IGSF9B: variants seen among roughly 807,000 people sequenced by gnomAD.
IGSF9B encodes protein turtle homolog B.
A neutral mutation model predicts 143.7 loss-of-function variants in IGSF9B; 48 were observed. The observed-to-expected ratio is 0.33, with a 90% CI of 0.26 to 0.42. The LOEUF (loss-of-function observed/expected upper bound fraction) is 0.42. Among genes scored for constraint, IGSF9B ranks in the 20% least tolerant of loss-of-function variants. The probability of loss-of-function intolerance (pLI) is 1.00; values close to 1 mark genes in which losing one functional copy is unlikely to be tolerated. For synonymous variants in IGSF9B, 903 were observed against 833.1 expected (o/e 1.08, Z -1.44); for missense variants, 1,706 against 1,980.0 (o/e 0.86, Z 2.63).
In IGSF9B at chr11:133,926,964, T is replaced by C. The variant is rs1939638756; in HGVS notation, c.1759A>G (p.Lys587Glu). The change falls in exon 13 of 20, where the codon AAG (lysine) becomes GAG (glutamate). Residue 587 changes from lysine (K) to glutamate (E), a missense_variant. By Grantham distance (56) the Lys-to-Glu change is moderately conservative. Around this residue, in one of 7 missense-constraint regions of IGSF9B, gnomAD observed 267 missense variants for 321.1 expected, o/e 0.83. Transcript: ENST00000533871. ...TCACTGAAGGCGCTGGTTCCCAGCTTGTTCTGGGCCAGGACGCTGAACTGG... is the reference window on the plus strand; with the variant it reads ...TCACTGAAGGCGCTGGTTCCCAGCTCGTTCTGGGCCAGGACGCTGAACTGG... ...AYQFSVLAQN[K>E]LGTSAFSEVV... 1.3e-6 allele frequency: 2 copies of C among 1,597,412 alleles called. No individual in the cohort carries two copies. Among genetic ancestry groups the C allele is most frequent in the Non-Finnish European group, 1.7e-6 (2 of 1,172,404 alleles).
Position 133,903,449 on chromosome 11 carries a change from C to T in IGSF9B, c.*5620G>A, listed in dbSNP as rs529624635. ...TAACTACTACTACTGTCTTCTACAC[C>T]GCAGAAGACAACACCCATGTGATTT... On this transcript the variant is annotated 3_prime_UTR_variant, in exon 20 of 20. Transcript: ENST00000533871. Among the ~76,000 whole-genome samples the T allele has an allele frequency of 6.6e-6, 1 of 152,304 alleles. No homozygotes were observed. The highest frequency in any genetic ancestry group is 1.9e-4 in the East Asian group (1 of 5,188).
Position 133,937,400 on chromosome 11 carries a change from G to A in IGSF9B, c.655C>T (p.His219Tyr). 1 of 1,612,664 alleles carries A rather than the reference G, an allele frequency of 6.2e-7. No homozygotes were observed. Among genetic ancestry groups the A allele is most frequent in the Non-Finnish European group, 8.5e-7 (1 of 1,178,890 alleles). Residue 219 changes from histidine to tyrosine, a missense_variant, in exon 5 of 20, where the codon CAC becomes TAC. Physicochemically the swap from His to Tyr is moderately conservative, Grantham distance 83. This residue lies in a region of IGSF9B where 238 missense variants were observed against 452.6 expected (regional missense o/e 0.53). Transcript: ENST00000533871. ...CCTTGGACAAGCAGGTGAGTCGTGT[G>A]GACAGCCTCCCCCTGAATGCTGTAC... is the stretch of plus-strand genomic sequence containing the variant. ...RAYSIQGEAVHTTHLLVQGPP... is the reference protein window; with the variant it reads ...RAYSIQGEAVYTTHLLVQGPP...
chr11:133,950,824 A>G (rs974613871), intron 1 of IGSF9B, among the ~76,000 whole-genome samples: 1 of 152,010 alleles, frequency 6.6e-6, no homozygotes, highest in Non-Finnish European at 1.5e-5. Flanking sequence ...GAACGGAGTG[A>G]GCACCAGCAT....
At chr11:133,947,310 T>C (rs1483113196) in intron 1 of IGSF9B, among the ~76,000 whole-genome samples, 1 of 152,164 alleles carries the variant, frequency 6.6e-6, no homozygotes, top group Non-Finnish European at 1.5e-5. Context: ...CCTTGTCCAG[T>C]AACGTCCCAG....
intron 18 of IGSF9B, chr11:133,918,948 G>A: frequency 4.3e-6 from 2 of 466,408 alleles, no homozygotes; most frequent in South Asian, 3.1e-5. Context: ...GGAGGGGCAG[G>A]GGGAGGAGGA....
chr11:133,922,091 T>C (rs956607412), intron 17 of IGSF9B, 86 bp downstream of exon 17: 1 of 1,126,088 alleles, frequency 8.9e-7, no homozygotes, highest in African/African-American at 1.5e-5. Context: ...TTAGAAACAC[T>C]AACATGGGGC....
intron 3 of IGSF9B, among the ~76,000 whole-genome samples, chr11:133,938,406 G>A (rs539784721): frequency 4.8e-4 from 73 of 152,248 alleles, no homozygotes; most frequent in African/African-American, 1.7e-3. Context: ...CACAGATGCA[G>A]GCCAAGGCTA....
In IGSF9B at chr11:133,956,936, C is replaced by G. The variant is rs1940269676; in HGVS notation, c.-182G>C. 2 of 383,534 alleles carry G rather than the reference C, an allele frequency of 5.2e-6. No homozygotes were observed. The highest frequency in any genetic ancestry group is 4.6e-5 in the Admixed American group (1 of 21,770). The allele number at this position is 383,534 out of a possible 1,614,324, so 23.8% of individuals were successfully genotyped here. ...TAGGCTCCGCTCGGCTCGGCGCGCG[C>G]CTCCCCGGCCCCGGCGCAGCGGCAC... On this transcript the variant is annotated 5_prime_UTR_variant, in exon 1 of 20. Coordinates refer to ENST00000533871, the MANE Select transcript of IGSF9B (RefSeq NM_001277285.4).
In IGSF9B at chr11:133,918,837, G is replaced by A. The variant is rs992570967; in HGVS notation, c.3983+905C>T. Among the ~76,000 whole-genome samples the A allele has an allele frequency of 2.0e-5, 3 of 151,772 alleles. No individual in the cohort carries two copies. The East Asian group carries it at 5.9e-4, about 30-fold the overall frequency. ...GAGAGAGAGAAGAGGGCGGGGGACG[G>A]GGTATCCGGGGGCACTACAGAGGCG... On this transcript the variant is annotated intron_variant, in intron 18 of 19. Coordinates refer to ENST00000533871, the MANE Select transcript of IGSF9B (RefSeq NM_001277285.4).
At position 133,945,261 on chromosome 11, in the gene IGSF9B, A is replaced by G. The variant is rs1940025214; in HGVS notation, c.262+800T>C. Among the ~76,000 whole-genome samples the G allele has an allele frequency of 6.6e-6, 1 of 152,174 alleles. No homozygotes were observed. The highest frequency in any genetic ancestry group is 2.1e-4 in the South Asian group (1 of 4,818). ...TCGTCCTGATGCTGGCAATCTGCCT[A>G]AAAACTAGACTCTCAAAGCCAACCC... On this transcript the variant is annotated intron_variant, in intron 2 of 19. Coordinates refer to ENST00000533871, the MANE Select transcript of IGSF9B (RefSeq NM_001277285.4). The surrounding 1 kb of genome is among the most constrained non-coding windows in gnomAD (Gnocchi z 4.6).
rs1488728189 is a variant in IGSF9B at position 133,911,965 on chromosome 11, C to A, written c.4026G>T (p.Arg1342Ser). The A allele has an allele frequency of 2.0e-6, 3 of 1,534,718 alleles. No homozygotes were observed. Among genetic ancestry groups the A allele is most frequent in the Admixed American group, 2.0e-5 (1 of 50,634 alleles). ...TCCGTTGGTATTTCAGAGCCTCCAG[C>A]CTCTCAGGCGCAGCAGCGTTCCCGG... ...PAPGNAAAPE[R>S]LEALKYQRIK... Residue 1342 changes from arginine to serine, a missense_variant, in exon 19 of 20, where the codon AGG becomes AGT. Coordinates refer to ENST00000533871, the MANE Select transcript of IGSF9B (RefSeq NM_001277285.4).
At chr11:133,929,930 G>A (rs974808675) in intron 11 of IGSF9B, 148 bp from the exon 12 acceptor site, 4 of 611,268 alleles carry the variant, frequency 6.5e-6, no homozygotes, top group Non-Finnish European at 1.2e-5. Context: ...CGACGGGGAT[G>A]CTCTCAGGCG....
chr11:133,924,705 G>A (rs3737491), intron 15 of IGSF9B, 115 bp downstream of exon 15: 23 of 843,206 alleles, frequency 2.7e-5, no homozygotes, highest in South Asian at 1.2e-4. Context: ...ACCAGGCACT[G>A]CCTTAGTTTC....
chr11:133,919,078 G>A (rs780247015), intron 18 of IGSF9B: 15 of 489,748 alleles, frequency 3.1e-5, no homozygotes, highest in East Asian at 6.5e-5. Context: ...GGCTGGTCGC[G>A]GGAGCTGGTC....
At chr11:133,952,772 T>TATGCGCACACACATGTGCACATGTATGC (rs1940187438) in intron 1 of IGSF9B, among the ~76,000 whole-genome samples, 1 of 149,248 alleles carries the variant, frequency 6.7e-6, no homozygotes, top group Admixed American at 6.6e-5. Flanking sequence ...AACATGTGTG[T>TATGCGCACACACATGTGCACATGTATGC]ATGCGCACAC....
Position 133,944,317 on chromosome 11 carries a change from G to A in IGSF9B, c.312C>T (p.Arg104=). 2 of 1,613,970 alleles carry A rather than the reference G, an allele frequency of 1.2e-6. No individual in the cohort carries two copies. The highest frequency in any genetic ancestry group is 1.1e-5 in the South Asian group (1 of 91,074). The change falls in exon 3 of 20, where the codon CGC becomes CGT. Residue 104 remains arginine, a synonymous_variant. Transcript: ENST00000533871. The stretch of plus-strand genomic sequence containing the variant: ...ACTCATACCAGCCCTGGTCCTCAGA[G>A]CGAACTTGTTCCAGCCGCAGAGATG... ...DKASLRLEQV[R]SEDQGWYECK...
At chr11:133,930,711 C>A (rs1185470840) in intron 11 of IGSF9B, among the ~76,000 whole-genome samples, 1 of 152,212 alleles carries the variant, frequency 6.6e-6, no homozygotes, top group South Asian at 2.1e-4. Flanking sequence ...GCCAGCCACA[C>A]AGCCGCCTCT....
chr11:133,912,483 G>A (rs1939316286), intron 18 of IGSF9B: 3 of 397,870 alleles, frequency 7.5e-6, no homozygotes, highest in African/African-American at 2.1e-5. Context: ...GGTGCTAAGT[G>A]AGAAACCCGA....
rs1416147673 is a variant in IGSF9B at position 133,931,574 on chromosome 11, G to T, written c.1252-5C>A. On this transcript the variant is annotated splice_polypyrimidine_tract_variant and splice_region_variant and intron_variant, in intron 9 of 19. Transcript: ENST00000533871. This position sits in a 1 kb window ranked among gnomAD's most constrained non-coding sequence, Gnocchi z 7.7. ...CACCGTGAAATAGGGGGGGTCCTGG[G>T]GAGGAAAGCACAGGCACCCTCGTGA... 1 of 1,613,140 alleles carries T rather than the reference G, an allele frequency of 6.2e-7. No homozygotes were observed. Among genetic ancestry groups the T allele is most frequent in the East Asian group, 2.2e-5 (1 of 44,846 alleles).
Sources: gnomAD v4.1 joint callset for allele counts (sites outside exome capture counted in the v4.1 genomes callset) on GRCh38, gnomAD v4.1.1 for gene constraint, gnomAD v4.1.1 regional missense constraint, Gnocchi (gnomAD v3.1) non-coding constraint, MANE v1.5 for transcripts, NCBI Gene and HGNC (gene_info 2026-07-23, HGNC 2026-07-21) for gene names.